SHQ1: variants seen among roughly 807,000 people sequenced by gnomAD.
The protein encoded by SHQ1 is protein SHQ1 homolog.
A neutral mutation model predicts 53.8 loss-of-function variants in SHQ1; 49 were observed. The ratio of observed to expected loss-of-function variants is 0.91; its 90% CI spans 0.72 to 1.16. The LOEUF (loss-of-function observed/expected upper bound fraction) is 1.16. Among genes scored for constraint, SHQ1 ranks in the 50% most tolerant of loss-of-function variants. SHQ1 has a pLI of 0.00. For synonymous variants in SHQ1, 243 were observed against 251.0 expected (o/e 0.97, Z 0.30); for missense variants, 738 against 683.1 (o/e 1.08, Z -0.90).
the SHQ1 span, among the ~76,000 whole-genome samples, chr3:72,743,097 G>A: frequency 3.9e-5 from 6 of 152,184 alleles, no homozygotes; most frequent in South Asian, 4.1e-4. Context: ...ATGAAAAGTC[G>A]GCAGCCTTAT....
At chr3:72,776,148 T>A (rs1705954208) in intron 10 of SHQ1, among the ~76,000 whole-genome samples, 1 of 152,138 alleles carries the variant, frequency 6.6e-6, no homozygotes, top group Non-Finnish European at 1.5e-5. Flanking sequence ...TACATAAGAG[T>A]TAATAGTAGA....
Position 72,824,551 on chromosome 3 carries a change from T to C in SHQ1, c.600A>G (p.Leu200=), listed in dbSNP as rs764104171. Residue 200 remains leucine, a splice_region_variant and synonymous_variant, in exon 6 of 11, where the codon CTA becomes CTG. Transcript: ENST00000325599. ...TCGCCTCATCTTCAAAAAAGTCAGC[T>C]CTAGGAAAAAACATTGAAAGAACTT... ...ELAKFDPDHY[L]ADFFEDEAIE... 1.7e-5 allele frequency: 27 copies of C among 1,606,640 alleles called. No individual in the cohort carries two copies. Among genetic ancestry groups the C allele is most frequent in the Non-Finnish European group, 1.9e-5 (22 of 1,178,088 alleles).
chr3:72,832,459 T>C lies in SHQ1; in HGVS notation c.509A>G (p.Asp170Gly), dbSNP rs1179058325. 2 of 1,611,876 alleles carry C rather than the reference T, an allele frequency of 1.2e-6. No homozygotes were observed. The highest frequency in any genetic ancestry group is 1.7e-5 in the Admixed American group (1 of 59,882). ...AGGGGTGAAATCTGGATCCTTAATA[T>C]CAATAACATCACTCAGTTCATCCTG... is the stretch of plus-strand genomic sequence containing the variant. ...RLQDELSDVIDIKDPDFTPAA... is the reference protein window; with the variant it reads ...RLQDELSDVIGIKDPDFTPAA... Residue 170 changes from aspartate to glycine, a missense_variant, in exon 5 of 11, where the codon GAT becomes GGT. By Grantham distance (94) the Asp-to-Gly change is moderately conservative. Coordinates refer to ENST00000325599, the MANE Select transcript of SHQ1 (RefSeq NM_018130.3).
intron 10 of SHQ1, among the ~76,000 whole-genome samples, chr3:72,762,037 C>G (rs1705621093): frequency 6.6e-6 from 1 of 152,170 alleles, no homozygotes; most frequent in African/African-American, 2.4e-5. Context: ...TTTTTGAGGA[C>G]AGTCTGCACA....
At chr3:72,730,689 G>T in the SHQ1 span, among the ~76,000 whole-genome samples, 2 of 152,100 alleles carry the variant, frequency 1.3e-5, no homozygotes, top group African/African-American at 4.8e-5. Context: ...TTCAGTGGAC[G>T]AAAATGGCCC....
At chr3:72,823,615 A>G (rs942391009) in intron 6 of SHQ1, among the ~76,000 whole-genome samples, 18 of 152,330 alleles carry the variant, frequency 1.2e-4, no homozygotes, top group Admixed American at 1.3e-4. Flanking sequence ...ACATACTAAT[A>G]TGGAAGATGT....
intron 4 of SHQ1, among the ~76,000 whole-genome samples, chr3:72,840,265 A>AAAG (rs1708134916): frequency 7.0e-6 from 1 of 143,468 alleles, no homozygotes; most frequent in African/African-American, 2.7e-5. Flanking sequence ...AAAAAAAAAA[A>AAAG]GAATAAATAA....
intron 10 of SHQ1, among the ~76,000 whole-genome samples, chr3:72,757,327 C>G (rs1705516387): frequency 6.6e-6 from 1 of 151,884 alleles, no homozygotes; most frequent in African/African-American, 2.4e-5. Flanking sequence ...ATACAAAACA[C>G]ACAATCTCAG....
intron 2 of SHQ1, among the ~76,000 whole-genome samples, chr3:72,843,877 G>A (rs1411618814): frequency 1.3e-5 from 2 of 152,102 alleles, no homozygotes; most frequent in Non-Finnish European, 2.9e-5. Flanking sequence ...AAAAATAAAT[G>A]GGTTCATGGC....
At chr3:72,787,335 T>A (rs1013117213) in intron 10 of SHQ1, among the ~76,000 whole-genome samples, 1 of 152,196 alleles carries the variant, frequency 6.6e-6, no homozygotes, top group African/African-American at 2.4e-5. Flanking sequence ...AGAGGAAAAG[T>A]GTGATTTAAC....
the SHQ1 span, among the ~76,000 whole-genome samples, chr3:72,737,100 T>C: frequency 2.0e-5 from 3 of 151,728 alleles, no homozygotes; most frequent in African/African-American, 7.3e-5. Context: ...TGAAACCCCA[T>C]CTCTACTAAA....
At chr3:72,779,525 T>C (rs1187790485) in intron 10 of SHQ1, among the ~76,000 whole-genome samples, 2 of 152,230 alleles carry the variant, frequency 1.3e-5, no homozygotes, top group Non-Finnish European at 2.9e-5. Context: ...ACTTCTCTCC[T>C]CATCAGACCA....
intron 10 of SHQ1, chr3:72,753,018 GTAAA>G (rs1705422241): frequency 1.0e-6 from 1 of 985,304 alleles, no homozygotes; most frequent in Non-Finnish European, 1.2e-6. Flanking sequence ...ATTGTATCGA[GTAAA>G]TAAACTTTTC....
rs534243049 is a variant in SHQ1, at chr3:72,812,321, CTTCT to C, written c.1060+346_1060+349del. 3.3e-3 allele frequency among the ~76,000 whole-genome samples: 507 copies of C among 152,232 alleles called. 2 individuals carry two copies. The highest frequency in any genetic ancestry group is 7.0e-3 in the African/African-American group (291 of 41,528). On this transcript the variant is annotated intron_variant, in intron 9 of 10. Transcript: ENST00000325599. ...TCAACAGAGCAGGGAACTTTTCTGC[CTTCT>C]TTATTATTAGACCCACAGTCCCACC...
intron 10 of SHQ1, among the ~76,000 whole-genome samples, chr3:72,780,590 T>C (rs145734247): frequency 6.6e-6 from 1 of 152,300 alleles, no homozygotes; most frequent in African/African-American, 2.4e-5. Flanking sequence ...CAAAAGAATG[T>C]GTCTTTGGGT....
the SHQ1 span, among the ~76,000 whole-genome samples, chr3:72,740,047 G>A: frequency 2.0e-5 from 3 of 152,224 alleles, no homozygotes; most frequent in African/African-American, 7.2e-5. Flanking sequence ...AGAGAGAGCT[G>A]AGCCCTGCAC....
At chr3:72,760,430 A>G (rs1033142600) in intron 10 of SHQ1, among the ~76,000 whole-genome samples, 2 of 152,230 alleles carry the variant, frequency 1.3e-5, no homozygotes, top group African/African-American at 2.4e-5. Flanking sequence ...CATGACACAT[A>G]TAAGTGGCTA....
intron 10 of SHQ1, among the ~76,000 whole-genome samples, chr3:72,791,838 C>G (rs1349454561): frequency 6.6e-6 from 1 of 152,170 alleles, no homozygotes; most frequent in African/African-American, 2.4e-5. Flanking sequence ...AGGCATGAAC[C>G]AACATGCCTG....
At chr3:72,775,445 G>A (rs1025922021) in intron 10 of SHQ1, among the ~76,000 whole-genome samples, 1 of 132,958 alleles carries the variant, frequency 7.5e-6, no homozygotes, top group Non-Finnish European at 1.6e-5. Context: ...CATAAAGAAA[G>A]AAAGACACAA....
Sources: allele counts gnomAD v4.1 joint callset (sites outside exome capture counted in the v4.1 genomes callset), GRCh38; gene constraint gnomAD v4.1.1; transcripts MANE v1.5; gene names NCBI Gene and HGNC (gene_info 2026-07-23, HGNC 2026-07-21).